Variants in CFLAR observed in about 807,000 individuals in gnomAD.
CFLAR encodes the protein CASP8 and FADD-like apoptosis regulator.
CFLAR carries 14 observed loss-of-function variants against 51.1 expected under a neutral mutation model. That is an observed-to-expected ratio of 0.27 (90% CI 0.18 to 0.43). CFLAR has a LOEUF of 0.43. CFLAR is among the 20% of genes least tolerant of loss of function. The pLI is 1.00. For synonymous variants in CFLAR, 210 were observed against 211.6 expected (o/e 0.99, Z 0.06); for missense variants, 390 against 566.5 (o/e 0.69, Z 3.16).
chr2:201,156,235 C>T (rs1261184714), intron 8 of CFLAR, among the ~76,000 whole-genome samples: 1 of 152,208 alleles, frequency 6.6e-6, no homozygotes, highest in Non-Finnish European at 1.5e-5. Flanking sequence ...TGCCTAATCT[C>T]TTCCCCCTCA....
chr2:201,131,810 T>C (rs1185322996), intron 2 of CFLAR, among the ~76,000 whole-genome samples: 1 of 152,142 alleles, frequency 6.6e-6, no homozygotes, highest in Non-Finnish European at 1.5e-5. Context: ...AAGCCTCAGA[T>C]CTACCAATTA....
rs770599766 is a variant in CFLAR, at chr2:201,160,826, C to T, written c.1188C>T (p.His396=). The part of the protein sequence containing the change: ...KAQKRGLCTV[H]READFFWSLC... ...AGAAGCGAGGGCTGTGCACAGTTCA[C>T]CGAGAAGCTGACTTCTTCTGGAGCC... Residue 396 remains histidine (H), a synonymous_variant, in exon 9 of 10, where the codon CAC becomes CAT. Transcript: ENST00000309955. 2.5e-6 allele frequency: 4 copies of T among 1,614,092 alleles called. No individual in the cohort carries two copies. The highest frequency in any genetic ancestry group is 3.4e-6 in the Non-Finnish European group (4 of 1,179,966).
intron 7 of CFLAR, 194 bp downstream of exon 7, chr2:201,149,246 C>T (rs1940835488): frequency 2.0e-6 from 1 of 489,030 alleles, no homozygotes; most frequent in African/African-American, 1.9e-5. Context: ...CATTAGTGAA[C>T]TTTGGAATGC....
At chr2:201,152,667 G>A (rs746783971) in intron 8 of CFLAR, among the ~76,000 whole-genome samples, 3 of 152,176 alleles carry the variant, frequency 2.0e-5, no homozygotes, top group Non-Finnish European at 4.4e-5. Context: ...CCCATAGACT[G>A]AGGCGCACTG....
chr2:201,134,369 T>C (rs2049810811), intron 3 of CFLAR, among the ~76,000 whole-genome samples: 1 of 151,964 alleles, frequency 6.6e-6, no homozygotes. Flanking sequence ...GCACAGTGGC[T>C]CATGCTTGTA....
chr2:201,127,438 T>G (rs1359999033), intron 1 of CFLAR, among the ~76,000 whole-genome samples: 1 of 152,158 alleles, frequency 6.6e-6, no homozygotes, highest in African/African-American at 2.4e-5. Context: ...GAGAATCACT[T>G]GAGCCCAGGA....
chr2:201,152,844 G>T (rs1459920703), intron 8 of CFLAR: 1 of 152,572 alleles, frequency 6.6e-6, no homozygotes, highest in Admixed American at 6.5e-5. Flanking sequence ...AAAGATGGAA[G>T]AAGATGGTAG....
Position 201,133,044 on chromosome 2 carries a change from G to A in CFLAR, c.297G>A (p.Glu99=). The A allele has an allele frequency of 6.2e-7, 1 of 1,606,644 alleles. No homozygotes were observed. The highest frequency in any genetic ancestry group is 8.5e-7 in the Non-Finnish European group (1 of 1,173,184). Residue 99 remains glutamate, a synonymous_variant, in exon 3 of 10, where the codon GAG becomes GAA. Transcript: ENST00000309955. ...LVSDYRVLMA[E]IGEDLDKSDV... ...TGGTTTGCAGAGTGCTGATGGCAGA[G>A]ATTGGTGAGGATTTGGATAAATCTG...
chr2:201,164,000 TCA>T lies in CFLAR; in HGVS notation c.*31_*32del. The T allele has an allele frequency of 6.3e-7, 1 of 1,597,480 alleles. No homozygotes were observed. Among genetic ancestry groups the T allele is most frequent in the Non-Finnish European group, 8.5e-7 (1 of 1,170,260 alleles). The stretch of plus-strand genomic sequence containing the variant: ...AAACCAAAAGGCTGGGCGTAGTGGC[TCA>T]CACCTGTAATCCCAGCACTTTGGGA... On this transcript the variant is annotated 3_prime_UTR_variant, in exon 10 of 10. Transcript: ENST00000309955.
At chr2:201,135,890 G>A (rs1189322640) in intron 3 of CFLAR, 82 bp from the exon 4 acceptor site, 24 of 1,536,914 alleles carry the variant, frequency 1.6e-5, no homozygotes, top group Non-Finnish European at 2.0e-5. Flanking sequence ...GCCTCCCAAA[G>A]TGCTGGGATT....
At chr2:201,121,772 A>C (rs1176850053) in intron 1 of CFLAR, among the ~76,000 whole-genome samples, 2 of 152,216 alleles carry the variant, frequency 1.3e-5, no homozygotes, top group Non-Finnish European at 2.9e-5. Flanking sequence ...AATTTAAGCC[A>C]ATCTTGTCTA....
chr2:201,129,476 T>C, intron 1 of CFLAR: 1 of 348,476 alleles, frequency 2.9e-6, no homozygotes, highest in Non-Finnish European at 5.1e-6. Context: ...GAATGTGGGG[T>C]TTCCTTGCAG....
chr2:201,131,010 T>C (rs756197522), intron 2 of CFLAR, among the ~76,000 whole-genome samples: 1 of 152,208 alleles, frequency 6.6e-6, no homozygotes, highest in Non-Finnish European at 1.5e-5. Flanking sequence ...TTCCTGCGCT[T>C]GGAGACATTG....
chr2:201,149,193 A>G, intron 7 of CFLAR, 141 bp downstream of exon 7: 1 of 598,066 alleles, frequency 1.7e-6, no homozygotes, highest in South Asian at 2.0e-5. Flanking sequence ...CTTCCATACA[A>G]GGGAACCCTG....
At chr2:201,150,333 CAA>C (rs56975072) in intron 8 of CFLAR, 6 of 135,392 alleles carry the variant, frequency 4.4e-5, no homozygotes, top group Non-Finnish European at 7.9e-5. Context: ...GATTCTGTCT[CAA>C]AAAAAAAAAA....
At chr2:201,143,949 CAA>C (rs376723498) in intron 5 of CFLAR, among the ~76,000 whole-genome samples, 1 of 132,622 alleles carries the variant, frequency 7.5e-6, no homozygotes, top group African/African-American at 2.8e-5. Context: ...GACTCTGTCT[CAA>C]AAAAAAAAAA....
intron 5 of CFLAR, chr2:201,141,819 T>G (rs908726518): frequency 9.7e-6 from 2 of 206,912 alleles, no homozygotes; most frequent in Admixed American, 6.3e-5. Flanking sequence ...AATCTTATCC[T>G]CATGTTCATA....
In CFLAR at chr2:201,163,548, T is replaced by TA. The variant is rs1236806619; in HGVS notation, c.1305-286dup. ...TAGATACTCCATGGGCCGGTGGTAT[T>TA]ACTGGCCTTTTGAGCCCATCCCCAT... is the stretch of plus-strand genomic sequence containing the variant. On this transcript the variant is annotated intron_variant, in intron 9 of 9. Transcript: ENST00000309955. 7 of 1,205,528 alleles carry TA rather than the reference T, an allele frequency of 5.8e-6. No homozygotes were observed. In the East Asian group the frequency reaches 2.2e-4, roughly 39 times the overall value. The allele number at this position is 1,205,528 out of a possible 1,614,324, so 74.7% of individuals were successfully genotyped here.
At chr2:201,125,188 T>A (rs1161518884) in intron 1 of CFLAR, among the ~76,000 whole-genome samples, 2 of 152,236 alleles carry the variant, frequency 1.3e-5, no homozygotes, top group Admixed American at 1.3e-4. Context: ...TTGTCCCTTT[T>A]GCCTCAGATT....
Sources: gnomAD v4.1 joint callset for allele counts (sites outside exome capture counted in the v4.1 genomes callset) on GRCh38, gnomAD v4.1.1 for gene constraint, MANE v1.5 for transcripts, NCBI Gene and HGNC (gene_info 2026-07-23, HGNC 2026-07-21) for gene names.